Variants in HADHA observed in about 807,000 individuals in gnomAD.
HADHA encodes the protein trifunctional enzyme subunit alpha, mitochondrial.
In HADHA, 59 loss-of-function variants were observed where a neutral mutation model predicts 91.3. The observed-to-expected ratio is 0.65, with a 90% CI of 0.52 to 0.80. HADHA has a LOEUF of 0.80. HADHA is among the 30% of genes least tolerant of loss of function. The pLI is 0.00. For synonymous variants in HADHA, 320 were observed against 338.9 expected (o/e 0.94, Z 0.61); for missense variants, 800 against 927.6 (o/e 0.86, Z 1.79).
intron 12 of HADHA, among the ~76,000 whole-genome samples, chr2:26,202,822 A>C (rs1669880591): frequency 6.6e-6 from 1 of 152,244 alleles, no homozygotes; most frequent in South Asian, 2.1e-4. Context: ...CAGTCAGCAA[A>C]CAAGATACTT....
rs1011579608 is a variant in HADHA, at chr2:26,221,123, A to G, written c.677-5948T>C. Among the ~76,000 whole-genome samples the G allele has an allele frequency of 6.6e-6, 1 of 152,180 alleles. No individual in the cohort carries two copies. The highest frequency in any genetic ancestry group is 2.1e-4 in the South Asian group (1 of 4,828). ...GGCTGCTTCAGATTTTGGAGACAAC[A>G]TATTACTCATTTGGGTTGCTATTCC... On this transcript the variant is annotated intron_variant, in intron 7 of 19. Transcript: ENST00000380649. The surrounding 1 kb of genome is among the most constrained non-coding windows in gnomAD (Gnocchi z 4.8).
chr2:26,206,226 ATT>A (rs35956519), intron 11 of HADHA, among the ~76,000 whole-genome samples: 12 of 139,528 alleles, frequency 8.6e-5, no homozygotes, highest in East Asian at 2.1e-4. Context: ...CAGACTGGCA[ATT>A]TTTTTTTTTT....
chr2:26,223,554 C>T (rs925705414), intron 7 of HADHA, among the ~76,000 whole-genome samples: 2 of 152,168 alleles, frequency 1.3e-5, no homozygotes, highest in Admixed American at 6.5e-5. Flanking sequence ...ACAGCCAGTG[C>T]ACTGCGGTGT....
chr2:26,239,413 G>A (rs979230202), intron 1 of HADHA, among the ~76,000 whole-genome samples: 1 of 152,194 alleles, frequency 6.6e-6, no homozygotes, highest in Non-Finnish European at 1.5e-5. Flanking sequence ...GCAAAGGGGG[G>A]ATTAAAGTTG....
chr2:26,224,924 G>A (rs1225127725), intron 7 of HADHA, among the ~76,000 whole-genome samples: 1 of 152,132 alleles, frequency 6.6e-6, no homozygotes, highest in Non-Finnish European at 1.5e-5. Flanking sequence ...TCAGTATAGA[G>A]TATAAAAACA....
chr2:26,220,676 C>G (rs1670353425), intron 7 of HADHA, among the ~76,000 whole-genome samples: 1 of 152,104 alleles, frequency 6.6e-6, no homozygotes, highest in South Asian at 2.1e-4. Flanking sequence ...CTGACAAAAG[C>G]TTTTTTTTCT....
At chr2:26,201,740 A>T (rs1208763301) in intron 12 of HADHA, among the ~76,000 whole-genome samples, 12 of 151,786 alleles carry the variant, frequency 7.9e-5, no homozygotes, top group African/African-American at 2.7e-4. Flanking sequence ...CATGGTTTAT[A>T]TTTGCTTATC....
chr2:26,239,017 G>T lies in HADHA; in HGVS notation c.110-13C>A, dbSNP rs1314506688. 6.3e-7 allele frequency: 1 copy of T among 1,597,046 alleles called. No individual in the cohort carries two copies. The highest frequency in any genetic ancestry group is 8.6e-7 in the Non-Finnish European group (1 of 1,164,652). On this transcript the variant is annotated splice_polypyrimidine_tract_variant and intron_variant, in intron 2 of 19. Transcript: ENST00000380649. ...ATATGGGTTCTGGCTAAAAAGAAAA[G>T]AAAGATTTATTTGTAAACATATTTA...
At chr2:26,198,470 G>C (rs1276803877) in intron 13 of HADHA, among the ~76,000 whole-genome samples, 1 of 151,108 alleles carries the variant, frequency 6.6e-6, no homozygotes, top group African/African-American at 2.4e-5. Context: ...CCGCCTCCCA[G>C]TTATTCATGT....
intron 14 of HADHA, among the ~76,000 whole-genome samples, chr2:26,197,420 A>G (rs1051706464): frequency 3.3e-5 from 5 of 152,194 alleles, no homozygotes; most frequent in East Asian, 1.9e-4. Flanking sequence ...CTATCCTTCA[A>G]TGCCTAATTC....
chr2:26,225,570 C>T (rs1025505169), intron 7 of HADHA, among the ~76,000 whole-genome samples: 16 of 151,808 alleles, frequency 1.1e-4, no homozygotes, highest in Non-Finnish European at 1.6e-4. Context: ...GAGTTTATTC[C>T]AAGAAGCAAG....
At chr2:26,211,398 T>C (rs998101571) in intron 10 of HADHA, among the ~76,000 whole-genome samples, 2 of 152,092 alleles carry the variant, frequency 1.3e-5, no homozygotes, top group African/African-American at 4.8e-5. Context: ...AAATCCAAAA[T>C]GCTCCAAAAT....
At position 26,191,554 on chromosome 2, in the gene HADHA, C is replaced by T; in HGVS notation, c.2075G>A (p.Gly692Glu). 2 of 1,614,146 alleles carry T rather than the reference C, an allele frequency of 1.2e-6. No homozygotes were observed. Among genetic ancestry groups the T allele is most frequent in the Non-Finnish European group, 1.7e-6 (2 of 1,179,992 alleles). The part of the protein sequence containing the change: ...VNEAVMCLQE[G>E]ILATPAEGDI... ...TCCCTCTGCAGGTGTGGCCAAGATC[C>T]CCTCTTGCAGGCACATGACTGCCTC... The change falls in exon 19 of 20, where the codon GGG (glycine) becomes GAG (glutamate). Residue 692 changes from glycine to glutamate, a missense_variant. By Grantham distance (98) the Gly-to-Glu change is moderately conservative. Coordinates refer to ENST00000380649, the MANE Select transcript of HADHA (RefSeq NM_000182.5).
intron 6 of HADHA, among the ~76,000 whole-genome samples, chr2:26,230,557 G>A (rs1294616218): frequency 6.6e-6 from 1 of 152,088 alleles, no homozygotes; most frequent in Non-Finnish European, 1.5e-5. Flanking sequence ...ATAAGGTAAA[G>A]AATTTCATGT....
chr2:26,205,052 G>C (rs1351421456), intron 11 of HADHA, among the ~76,000 whole-genome samples: 1 of 152,036 alleles, frequency 6.6e-6, no homozygotes, highest in Admixed American at 6.5e-5. Flanking sequence ...TTCTCAGGAC[G>C]ACTTGATTTA....
chr2:26,215,011 A>T (rs1168048002), intron 8 of HADHA, 42 bp downstream of exon 8: 26 of 1,546,936 alleles, frequency 1.7e-5, no homozygotes, highest in Non-Finnish European at 2.3e-5. Flanking sequence ...TTAAATTCTC[A>T]GGAAAGAAGC....
Position 26,201,323 on chromosome 2 carries a change from A to G in HADHA, c.1221-3T>C, listed in dbSNP as rs770542162. On this transcript the variant is annotated splice_polypyrimidine_tract_variant and splice_region_variant and intron_variant, in intron 12 of 19. Coordinates refer to ENST00000380649, the MANE Select transcript of HADHA (RefSeq NM_000182.5). ...TCTTCTTCACTTTGTCATTCAATCT[A>G]GAAAAAACACATTCCTAGTTAGATG... The G allele has an allele frequency of 1.9e-6, 3 of 1,596,314 alleles. No individual in the cohort carries two copies. The South Asian group carries it at 3.3e-5, about 18-fold the overall frequency.
intron 6 of HADHA, among the ~76,000 whole-genome samples, chr2:26,230,910 A>T (rs1459413228): frequency 4.6e-5 from 7 of 152,084 alleles, no homozygotes; most frequent in Non-Finnish European, 1.0e-4. Context: ...AACAAAAGTG[A>T]CTCTGTCCCA....
chr2:26,212,674 G>C (rs1326298916), intron 9 of HADHA, 48 bp from the exon 10 acceptor site: 1 of 1,213,250 alleles, frequency 8.2e-7, no homozygotes. Context: ...AGATTGGCGA[G>C]ATGTACAATA....
Sources: allele counts gnomAD v4.1 joint callset (sites outside exome capture counted in the v4.1 genomes callset), GRCh38; gene constraint gnomAD v4.1.1; non-coding constraint Gnocchi (gnomAD v3.1); transcripts MANE v1.5; gene names NCBI Gene and HGNC (gene_info 2026-07-23, HGNC 2026-07-21).